STK3: variants seen among roughly 807,000 people sequenced by gnomAD.
STK3 encodes the protein serine/threonine-protein kinase 3.
Under a neutral mutation model 58.0 loss-of-function variants are expected in STK3, and 41 were observed. That is an observed-to-expected ratio of 0.71 (90% confidence interval 0.55 to 0.92). The LOEUF (loss-of-function observed/expected upper bound fraction) is 0.92. Ranked by LOEUF, STK3 falls within the 40% of genes least tolerant of loss-of-function variation. STK3 has a pLI of 0.00. For missense variants in STK3, 479 were observed against 602.7 expected, an observed-to-expected ratio of 0.79 and a Z score of 2.15; for synonymous variants, 170 against 191.0, an observed-to-expected ratio of 0.89 and a Z score of 0.91.
chr8:98,503,580 CCA>C, intron 10 of STK3, among the ~76,000 whole-genome samples: 1 of 152,248 alleles, frequency 6.6e-6, no homozygotes, highest in Admixed American at 6.5e-5. Flanking sequence ...TAAATGTGCC[CCA>C]GAGAATCTGG....
At chr8:98,675,434 C>T (rs1410190294) in intron 6 of STK3, among the ~76,000 whole-genome samples, 1 of 151,948 alleles carries the variant, frequency 6.6e-6, no homozygotes, top group African/African-American at 2.4e-5. Context: ...TTTTATATGC[C>T]ATCTTATCTG....
intron 6 of STK3, among the ~76,000 whole-genome samples, chr8:98,653,480 A>T (rs1821158964): frequency 6.6e-6 from 1 of 152,208 alleles, no homozygotes; most frequent in African/African-American, 2.4e-5. Flanking sequence ...AATAACTAAA[A>T]TCAGAGCAGA....
chr8:98,449,931 T>C (rs1819125584), downstream of STK3, among the ~76,000 whole-genome samples: 1 of 152,186 alleles, frequency 6.6e-6, no homozygotes, highest in Admixed American at 6.5e-5. Context: ...TGTGACACAG[T>C]ATGAGGCTCT....
At chr8:98,506,613 A>C (rs976202511) in intron 10 of STK3, among the ~76,000 whole-genome samples, 9 of 152,260 alleles carry the variant, frequency 5.9e-5, no homozygotes, top group African/African-American at 1.9e-4. Context: ...TGGGAGGCTG[A>C]GGCAAGAGAA....
chr8:98,720,646 G>A (rs1371645874), intron 4 of STK3, among the ~76,000 whole-genome samples: 5 of 151,726 alleles, frequency 3.3e-5, no homozygotes, highest in Non-Finnish European at 5.9e-5. Flanking sequence ...GGCTGCTCGG[G>A]AGGCTGAGGC....
chr8:98,617,888 G>C (rs1817899876), intron 6 of STK3, among the ~76,000 whole-genome samples: 1 of 152,012 alleles, frequency 6.6e-6, no homozygotes, highest in African/African-American at 2.4e-5. Context: ...AGAGGTACAA[G>C]GAGGAACTAG....
chr8:98,623,700 T>C (rs1818502336), intron 6 of STK3, among the ~76,000 whole-genome samples: 1 of 152,102 alleles, frequency 6.6e-6, no homozygotes. Context: ...GGAAGGATCA[T>C]TTGAGCTCAG....
At chr8:98,643,845 C>T (rs1324038037) in intron 6 of STK3, among the ~76,000 whole-genome samples, 1 of 152,060 alleles carries the variant, frequency 6.6e-6, no homozygotes, top group Admixed American at 6.5e-5. Context: ...TTCACCTCTA[C>T]AAAAAACTTA....
intron 10 of STK3, among the ~76,000 whole-genome samples, chr8:98,508,689 T>C (rs911737145): frequency 6.6e-6 from 1 of 152,168 alleles, no homozygotes; most frequent in Admixed American, 6.6e-5. Context: ...CTGTGGCTGG[T>C]TATGTTTTGG....
chr8:98,462,864 T>A lies in STK3; in HGVS notation c.1318-6864A>T, dbSNP rs1189492452. 2.0e-5 allele frequency: 3 copies of A among 152,186 alleles called. No individual in the cohort carries two copies. The East Asian group carries it at 5.8e-4, about 29-fold the overall frequency. 9.4% of individuals were successfully genotyped at this position (152,186 alleles called of 1,614,324 possible). On this transcript the variant is annotated intron_variant, in intron 10 of 10. Coordinates refer to ENST00000419617, the MANE Select transcript of STK3 (RefSeq NM_006281.4). ...TAGATCAATTGCTGGAGAGCTAATG[T>A]GATCTTTTCAGGGGTGTTATAGAAC...
intron 1 of STK3, among the ~76,000 whole-genome samples, chr8:98,790,575 A>G (rs565986515): frequency 6.6e-6 from 1 of 152,342 alleles, no homozygotes; most frequent in African/African-American, 2.4e-5. Flanking sequence ...GAATAGGAAA[A>G]AGCTGAAAGC....
chr8:98,518,399 G>C (rs978752891), intron 10 of STK3, among the ~76,000 whole-genome samples: 1 of 152,140 alleles, frequency 6.6e-6, no homozygotes, highest in Admixed American at 6.6e-5. Flanking sequence ...AAAGTGAAAC[G>C]CTCATTCTAC....
At chr8:98,442,922 T>G (rs1258222240) in intron 1 of STK3, among the ~76,000 whole-genome samples, 1 of 151,918 alleles carries the variant, frequency 6.6e-6, no homozygotes, top group South Asian at 2.1e-4. Flanking sequence ...TCCCTCAATA[T>G]TCACACAGAT....
chr8:98,885,694 C>T (rs889652818), intron 1 of STK3, among the ~76,000 whole-genome samples: 1 of 152,206 alleles, frequency 6.6e-6, no homozygotes, highest in Non-Finnish European at 1.5e-5. Context: ...CCCGCCTCGG[C>T]CTCCCAAAGT....
At chr8:98,374,925 A>T (rs1268542705) in intron 2 of STK3, among the ~76,000 whole-genome samples, 1 of 152,132 alleles carries the variant, frequency 6.6e-6, no homozygotes, top group East Asian at 1.9e-4. Context: ...ACCCTATTAC[A>T]TACCTTAAAT....
At position 98,406,125 on chromosome 8, in the gene STK3, G is replaced by A. The variant is rs528241380; in HGVS notation, n.484-4612C>T. ...AGACTGGGTGCTATGGGCAACCAAGGATGTATCTTCATTCTCCAATCCTCC... is the reference window on the plus strand; with the variant it reads ...AGACTGGGTGCTATGGGCAACCAAGAATGTATCTTCATTCTCCAATCCTCC... On this transcript the variant is annotated intron_variant and non_coding_transcript_variant, in intron 3 of 3. Transcript: ENST00000517832. 5.9e-5 allele frequency among the ~76,000 whole-genome samples: 9 copies of A among 152,200 alleles called. No homozygotes were observed. In the South Asian group the frequency reaches 1.7e-3, roughly 28 times the overall value.
chr8:98,745,013 C>T (rs1002855370), intron 4 of STK3, among the ~76,000 whole-genome samples: 3 of 152,064 alleles, frequency 2.0e-5, no homozygotes, highest in Non-Finnish European at 2.9e-5. Context: ...AGAGTGACAC[C>T]ATTTCAAAGC....
intron 3 of STK3, among the ~76,000 whole-genome samples, chr8:98,762,799 A>C (rs1469882688): frequency 2.6e-5 from 4 of 152,206 alleles, no homozygotes; most frequent in African/African-American, 4.8e-5. Flanking sequence ...AGTATTGCTA[A>C]CCAGCTGTTG....
At chr8:98,844,911 T>A (rs1237939469) in intron 3 of STK3, among the ~76,000 whole-genome samples, 1 of 152,206 alleles carries the variant, frequency 6.6e-6, no homozygotes, top group Non-Finnish European at 1.5e-5. Flanking sequence ...GAAGTGTTTT[T>A]TCTACTTTCC....
Sources: gnomAD v4.1 joint callset for allele counts (sites outside exome capture counted in the v4.1 genomes callset) on GRCh38, gnomAD v4.1.1 for gene constraint, MANE v1.5 for transcripts, NCBI Gene and HGNC (gene_info 2026-07-23, HGNC 2026-07-21) for gene names.